FLT1: variants seen among roughly 807,000 people sequenced by gnomAD.
FLT1 encodes the protein vascular endothelial growth factor receptor 1.
In FLT1, 49 loss-of-function variants were observed where a neutral mutation model predicts 156.3. The observed-to-expected ratio is 0.31, with a 90% CI of 0.25 to 0.40. The LOEUF (loss-of-function observed/expected upper bound fraction) is 0.40. Among genes scored for constraint, FLT1 ranks in the 10% least tolerant of loss-of-function variants. FLT1 has a pLI of 1.00. For missense variants in FLT1, 1,322 were observed against 1,637.2 expected (o/e 0.81, Z 3.32); for synonymous variants, 594 against 583.8 (o/e 1.02, Z -0.25).
At chr13:28,412,377 T>TTTCTTTCTTTCTTTCTTTCC (rs1876319400) in intron 10 of FLT1, among the ~76,000 whole-genome samples, 4 of 120,654 alleles carry the variant, frequency 3.3e-5, no homozygotes, top group African/African-American at 6.2e-5. Flanking sequence ...TCTTTCTTTC[T>TTTCTTTCTTTCTTTCTTTCC]TTCTTTCTTT....
At position 28,305,244 on chromosome 13, in the gene FLT1, C is replaced by T. The variant is rs185080798; in HGVS notation, c.3815+1434G>A. 2.6e-5 allele frequency among the ~76,000 whole-genome samples: 4 copies of T among 152,210 alleles called. No homozygotes were observed. The East Asian group carries it at 7.7e-4, about 29-fold the overall frequency. On this transcript the variant is annotated intron_variant, in intron 29 of 29. Coordinates refer to ENST00000282397, the MANE Select transcript of FLT1 (RefSeq NM_002019.4). Reference sequence around the variant, plus strand: ...GTGGTATCTTATGGTAATTTCTTTCCCTTTTTTCTCCCTCTGTCACCCAGG... The same window carrying T: ...GTGGTATCTTATGGTAATTTCTTTCTCTTTTTTCTCCCTCTGTCACCCAGG...
chr13:28,374,773 A>G (rs1251982540), intron 14 of FLT1, among the ~76,000 whole-genome samples: 2 of 152,032 alleles, frequency 1.3e-5, no homozygotes, highest in Non-Finnish European at 2.9e-5. Context: ...TCGGCCTCCC[A>G]AAGTGCTGAG....
chr13:28,325,502 A>T (rs566110031), intron 20 of FLT1, among the ~76,000 whole-genome samples: 9 of 152,078 alleles, frequency 5.9e-5, no homozygotes, highest in Non-Finnish European at 1.3e-4. Flanking sequence ...GATCACAAAG[A>T]TCCCTTTCAG....
In FLT1 at chr13:28,388,661, A is replaced by T. The variant is rs371272803; in HGVS notation, c.1969+1135T>A. 3.8e-6 allele frequency: 4 copies of T among 1,055,986 alleles called. No homozygotes were observed. The East Asian group carries it at 1.6e-4, about 42-fold the overall frequency. 65.4% of individuals were successfully genotyped at this position (1,055,986 alleles called of 1,614,324 possible). On this transcript the variant is annotated intron_variant, in intron 13 of 29. Transcript: ENST00000282397. ...TGCTTCTGTAGTTTTGCCGCTTCTT[A>T]ATCCCCATAAAAATCCTATTAACAT... is the stretch of plus-strand genomic sequence containing the variant.
At chr13:28,486,770 C>G (rs1177917467) in intron 1 of FLT1, among the ~76,000 whole-genome samples, 1 of 152,270 alleles carries the variant, frequency 6.6e-6, no homozygotes, top group African/African-American at 2.4e-5. Context: ...AGCACATACT[C>G]TTCCTGGCAG....
intron 3 of FLT1, among the ~76,000 whole-genome samples, chr13:28,457,591 A>G (rs963251245): frequency 2.0e-5 from 3 of 152,240 alleles, no homozygotes; most frequent in African/African-American, 7.2e-5. Flanking sequence ...TTAAAGGAAA[A>G]ACTGTAGAAT....
Position 28,322,909 on chromosome 13 carries a change from A to G in FLT1, c.2834T>C (p.Met945Thr). ...CTTGCCTTGTTCCAGGCCTGGCTCC[A>G]TTTTTTCTTTCTTAGGCTCCATGTG... ...ALHMEPKKEK[M>T]EPGLEQGKKP... The change falls in exon 21 of 30, where the codon ATG becomes ACG. Residue 945 changes from methionine to threonine, a missense_variant. By Grantham distance (81) the Met-to-Thr change is moderately conservative. Transcript: ENST00000282397. This position sits in a 1 kb window ranked among gnomAD's most constrained non-coding sequence, Gnocchi z 4.3. The G allele has an allele frequency of 6.2e-7, 1 of 1,613,900 alleles. No homozygotes were observed. The highest frequency in any genetic ancestry group is 8.5e-7 in the Non-Finnish European group (1 of 1,179,992).
At chr13:28,468,220 A>G (rs1162688318) in intron 1 of FLT1, among the ~76,000 whole-genome samples, 2 of 152,178 alleles carry the variant, frequency 1.3e-5, no homozygotes, top group African/African-American at 4.8e-5. Context: ...TTTAGAAGAC[A>G]TTTGGTTTGT....
intron 25 of FLT1, among the ~76,000 whole-genome samples, chr13:28,316,870 G>T (rs9513076): frequency 1.3e-5 from 2 of 152,032 alleles, no homozygotes; most frequent in Non-Finnish European, 2.9e-5. Flanking sequence ...TGATCCGCCC[G>T]CCTCTGCCTC....
intron 3 of FLT1, among the ~76,000 whole-genome samples, chr13:28,446,393 A>G (rs974445112): frequency 2.6e-5 from 4 of 152,218 alleles, no homozygotes; most frequent in Non-Finnish European, 5.9e-5. Flanking sequence ...TTCAGATGAC[A>G]TGATCTTACA....
chr13:28,317,496 A>G lies in FLT1; in HGVS notation c.3386+2T>C. On this transcript the variant is annotated splice_donor_variant, in intron 25 of 29. Transcript: ENST00000282397. LOFTEE classifies it high-confidence loss of function. Reference sequence around the variant, plus strand: ...GGGGAGCAGAGGGCACCAAGGGCTCACATTTCAGGAGTAGAGTACTCAGGA... The same window carrying G: ...GGGGAGCAGAGGGCACCAAGGGCTCGCATTTCAGGAGTAGAGTACTCAGGA... The G allele has an allele frequency of 6.2e-7, 1 of 1,601,552 alleles. No homozygotes were observed. Among genetic ancestry groups the G allele is most frequent in the Non-Finnish European group, 8.6e-7 (1 of 1,168,940 alleles).
At chr13:28,435,529 C>A (rs896575342) in intron 4 of FLT1, among the ~76,000 whole-genome samples, 2 of 152,168 alleles carry the variant, frequency 1.3e-5, no homozygotes, top group African/African-American at 4.8e-5. Flanking sequence ...CTTCCCCCAA[C>A]AGATTATAAA....
At chr13:28,418,892 T>C (rs914587683) in intron 10 of FLT1, among the ~76,000 whole-genome samples, 2 of 152,006 alleles carry the variant, frequency 1.3e-5, no homozygotes, top group Non-Finnish European at 1.5e-5. Context: ...TATACCATAA[T>C]CTGAAAACAC....
At chr13:28,327,179 AAGAG>A (rs926255251) in intron 20 of FLT1, among the ~76,000 whole-genome samples, 1 of 152,240 alleles carries the variant, frequency 6.6e-6, no homozygotes, top group African/African-American at 2.4e-5. Context: ...TAGGGGGAGA[AAGAG>A]AGAAAGTTAT....
intron 10 of FLT1, among the ~76,000 whole-genome samples, chr13:28,421,506 T>C (rs955601211): frequency 2.7e-5 from 4 of 150,566 alleles, no homozygotes; most frequent in African/African-American, 9.8e-5. Context: ...AAATACGGCT[T>C]GGCCCCAATG....
intron 27 of FLT1, among the ~76,000 whole-genome samples, chr13:28,310,997 G>A (rs781158546): frequency 1.6e-4 from 25 of 152,200 alleles, no homozygotes; most frequent in Non-Finnish European, 3.1e-4. Context: ...ACAGGAGAAT[G>A]TCCTTCTTTG....
rs1053141896 is a variant in FLT1 at position 28,372,420 on chromosome 13, C to T, written c.2116+12465G>A. Among the ~76,000 whole-genome samples the T allele has an allele frequency of 3.3e-5, 5 of 149,820 alleles. No homozygotes were observed. In the South Asian group the frequency reaches 6.3e-4, roughly 19 times the overall value. The stretch of plus-strand genomic sequence containing the variant: ...AAGCCCACATTTGTACATATGCACA[C>T]GTATAGGTTAAAAAATGGAAAAAAC... On this transcript the variant is annotated intron_variant, in intron 14 of 29. Transcript: ENST00000282397.
intron 3 of FLT1, among the ~76,000 whole-genome samples, chr13:28,461,820 G>A (rs1247381867): frequency 2.6e-5 from 4 of 152,112 alleles, no homozygotes; most frequent in Admixed American, 1.3e-4. Context: ...CAATGTGTCC[G>A]ATAATGTTTC....
At chr13:28,311,835 T>A (rs1201500692) in intron 26 of FLT1, 103 bp from the exon 27 acceptor site, 38 of 1,377,870 alleles carry the variant, frequency 2.8e-5, no homozygotes, top group Non-Finnish European at 3.7e-5. Flanking sequence ...CAATCTTGGT[T>A]GTGTTTTGAG....
Sources: allele counts gnomAD v4.1 joint callset (sites outside exome capture counted in the v4.1 genomes callset), GRCh38; gene constraint gnomAD v4.1.1; non-coding constraint Gnocchi (gnomAD v3.1); transcripts MANE v1.5; gene names NCBI Gene and HGNC (gene_info 2026-07-23, HGNC 2026-07-21).